Variants in CHMP1A observed in about 807,000 individuals in gnomAD.
CHMP1A encodes the protein charged multivesicular body protein 1A.
A neutral mutation model predicts 27.0 loss-of-function variants in CHMP1A; 17 were observed. That is an observed-to-expected ratio of 0.63 (90% CI 0.43 to 0.95). The LOEUF is 0.95. CHMP1A is among the 40% of genes least tolerant of loss of function. The pLI is 0.00. For missense variants in CHMP1A, 275 were observed against 264.0 expected, an observed-to-expected ratio of 1.04 and a Z score of -0.29; for synonymous variants, 131 against 107.5, an observed-to-expected ratio of 1.22 and a Z score of -1.35.
intron 5 of CHMP1A, 170 bp from the exon 6 acceptor site, chr16:89,646,884 G>GGGCC: frequency 1.3e-5 from 9 of 709,050 alleles, no homozygotes; most frequent in Non-Finnish European, 2.2e-5. Context: ...AGCCTTTCCT[G>GGGCC]CCCCCCCACC....
At position 89,645,594 on chromosome 16, in the gene CHMP1A, C is replaced by G; in HGVS notation, c.*472G>C. 6 of 250,544 alleles carry G rather than the reference C, an allele frequency of 2.4e-5. No homozygotes were observed. Among genetic ancestry groups the G allele is most frequent in the South Asian group, 7.7e-5 (2 of 26,060 alleles). The allele number at this position is 250,544 out of a possible 1,614,324, so 15.5% of individuals were successfully genotyped here. The stretch of plus-strand genomic sequence containing the variant: ...CAGCGTTGGGTGGCACCTGACATCC[C>G]CCAGCACACATAGACCTGTGGTGCC... On this transcript the variant is annotated 3_prime_UTR_variant, in exon 7 of 7. Coordinates refer to ENST00000397901, the MANE Select transcript of CHMP1A (RefSeq NM_002768.5).
intron 1 of CHMP1A, 79 bp downstream of exon 1, chr16:89,657,503 G>T: frequency 1.3e-6 from 2 of 1,572,232 alleles, no homozygotes; most frequent in Non-Finnish European, 1.7e-6. Flanking sequence ...CGCGGCCCCA[G>T]GTGGGCGGAG....
intron 3 of CHMP1A, among the ~76,000 whole-genome samples, chr16:89,650,299 C>A (rs1182330888): frequency 6.6e-6 from 1 of 152,130 alleles, no homozygotes; most frequent in Admixed American, 6.5e-5. Flanking sequence ...CCGCCTCAGC[C>A]TTCCGAGTAG....
At chr16:89,648,937 A>G (rs2059802367) in intron 4 of CHMP1A, among the ~76,000 whole-genome samples, 1 of 151,416 alleles carries the variant, frequency 6.6e-6, no homozygotes, top group Non-Finnish European at 1.5e-5. Flanking sequence ...AGGCAGGAGG[A>G]TTGCTTGAGC....
intron 1 of CHMP1A, among the ~76,000 whole-genome samples, chr16:89,655,574 G>C (rs1682167181): frequency 6.6e-6 from 1 of 152,158 alleles, no homozygotes; most frequent in African/African-American, 2.4e-5. Flanking sequence ...ACATGGGCTT[G>C]AGAGAAGTCC....
intron 5 of CHMP1A, 195 bp downstream of exon 5, chr16:89,647,008 A>C: frequency 7.3e-6 from 11 of 1,500,778 alleles, no homozygotes; most frequent in Non-Finnish European, 9.8e-6. Context: ...TGCCTGCAGG[A>C]GGCCCCCGCC....
At chr16:89,652,200 A>C (rs1398173138) in intron 2 of CHMP1A, among the ~76,000 whole-genome samples, 1 of 151,514 alleles carries the variant, frequency 6.6e-6, no homozygotes, top group Non-Finnish European at 1.5e-5. Flanking sequence ...TGGCAACACC[A>C]CAAGGACACA....
At chr16:89,655,514 T>C (rs1055899611) in intron 1 of CHMP1A, among the ~76,000 whole-genome samples, 24 of 152,158 alleles carry the variant, frequency 1.6e-4, no homozygotes, top group Non-Finnish European at 2.9e-5. Flanking sequence ...CAGCCGTGTG[T>C]GGCAGCACAA....
chr16:89,657,246 G>A (rs148443519), intron 1 of CHMP1A, among the ~76,000 whole-genome samples: 3 of 148,978 alleles, frequency 2.0e-5, no homozygotes, highest in African/African-American at 4.9e-5. Context: ...ATCGAGGGTC[G>A]AGGCCCGGGA....
At chr16:89,649,841 G>T (rs1250153981) in intron 3 of CHMP1A, among the ~76,000 whole-genome samples, 2 of 152,220 alleles carry the variant, frequency 1.3e-5, no homozygotes, top group East Asian at 3.8e-4. Context: ...CTCCCAAAGA[G>T]CTGGGATCAC....
At chr16:89,656,429 G>A (rs1289475773) in intron 1 of CHMP1A, among the ~76,000 whole-genome samples, 2 of 152,178 alleles carry the variant, frequency 1.3e-5, no homozygotes, top group East Asian at 3.9e-4. Flanking sequence ...GAGCCACCGC[G>A]CCCAGCCCTT....
intron 1 of CHMP1A, among the ~76,000 whole-genome samples, chr16:89,655,196 G>T (rs914329458): frequency 6.6e-6 from 1 of 152,178 alleles, no homozygotes; most frequent in Non-Finnish European, 1.5e-5. Context: ...GTCAGTGCAG[G>T]CGTGGTCAAG....
chr16:89,645,958 C>T lies in CHMP1A; in HGVS notation c.*108G>A, dbSNP rs200889805. The T allele has an allele frequency of 1.2e-6, 2 of 1,609,532 alleles. No individual in the cohort carries two copies. The highest frequency in any genetic ancestry group is 1.1e-5 in the South Asian group (1 of 90,716). ...GCAGGTGAGAGACGCAGAGTGGCTG[C>T]CGGCCGCAGCCCCGCGGGGTCAGCA... On this transcript the variant is annotated 3_prime_UTR_variant, in exon 7 of 7. Transcript: ENST00000397901.
In CHMP1A at chr16:89,649,438, C is replaced by T. The variant is rs2059806902; in HGVS notation, c.165G>A (p.Lys55=). ...ARVYAENAIR[K]KNEGVNWLRM... ...GAAGCCAGTTCACACCTTCGTTCTT[C>T]TTGCGGATGGCGTTCTCGGCATACA... Residue 55 remains lysine (K), a synonymous_variant, in exon 4 of 7, where the codon AAG becomes AAA. Transcript: ENST00000397901. 6 of 1,613,788 alleles carry T rather than the reference C, an allele frequency of 3.7e-6. No homozygotes were observed. The highest frequency in any genetic ancestry group is 2.2e-5 in the East Asian group (1 of 44,882).
chr16:89,656,401 T>G (rs185718148), intron 1 of CHMP1A, among the ~76,000 whole-genome samples: 36 of 152,328 alleles, frequency 2.4e-4, no homozygotes, highest in African/African-American at 7.9e-4. Context: ...CCTCCCAAAG[T>G]GCTGGGATTA....
chr16:89,655,969 C>G (rs753174718), intron 1 of CHMP1A, among the ~76,000 whole-genome samples: 2 of 151,944 alleles, frequency 1.3e-5, no homozygotes, highest in African/African-American at 4.8e-5. Flanking sequence ...CGCGCCCGGC[C>G]TCCCAGAGTG....
At position 89,651,303 on chromosome 16, in the gene CHMP1A, G is replaced by A. The variant is rs407863; in HGVS notation, c.105+266C>T. 0.34 allele frequency among the ~76,000 whole-genome samples: 48,302 copies of A among 144,042 alleles called. 9,984 individuals are homozygous for A. The highest frequency in any genetic ancestry group is 0.62 in the Middle Eastern group (178 of 288). The allele number at this position is 144,042 out of a possible 152,430, so 94.5% of individuals were successfully genotyped here. A position where few individuals can be genotyped will look rare whatever the true frequency, so the allele number is the denominator to read the frequency against. On this transcript the variant is annotated intron_variant, in intron 3 of 6. Coordinates refer to ENST00000397901, the MANE Select transcript of CHMP1A (RefSeq NM_002768.5). ...CTAGAATCACTTGAACCCGGGAGGC[G>A]GAGGTTGCAGTGAGACGAGATCGCA...
chr16:89,646,901 C>CCCCTT, intron 5 of CHMP1A, 187 bp from the exon 6 acceptor site: 1 of 741,994 alleles, frequency 1.3e-6, no homozygotes, highest in Non-Finnish European at 2.2e-6. Flanking sequence ...CACCCAGCCC[C>CCCCTT]ACCCTCTGAC....
chr16:89,650,123 G>C (rs547259927), intron 3 of CHMP1A, among the ~76,000 whole-genome samples: 1 of 152,172 alleles, frequency 6.6e-6, no homozygotes, highest in Admixed American at 6.5e-5. Flanking sequence ...AATACGCTGG[G>C]ACCTACTTCA....
Sources: allele counts gnomAD v4.1 joint callset (sites outside exome capture counted in the v4.1 genomes callset), GRCh38; gene constraint gnomAD v4.1.1; transcripts MANE v1.5; gene names NCBI Gene and HGNC (gene_info 2026-07-23, HGNC 2026-07-21).